The following CMC1 variants were observed in gnomAD, a reference collection of about 807,000 sequenced individuals.
CMC1 encodes C-X9-C motif containing 1.
CMC1 carries 14 observed loss-of-function variants against 14.1 expected under a neutral mutation model. The observed-to-expected ratio is 0.99, with a 90% CI of 0.66 to 1.55. The LOEUF (loss-of-function observed/expected upper bound fraction) is 1.55. CMC1 is among the 40% of genes most tolerant of loss of function. The probability of loss-of-function intolerance (pLI) is 0.00; values close to 1 mark genes in which losing one functional copy is unlikely to be tolerated. For missense variants in CMC1, 127 were observed against 123.8 expected, an observed-to-expected ratio of 1.03 and a Z score of -0.12; for synonymous variants, 50 against 38.4, an observed-to-expected ratio of 1.30 and a Z score of -1.12.
rs1214363730 is a variant in CMC1 at position 28,323,140 on chromosome 3, T to A, written c.*3511T>A. On this transcript the variant is annotated 3_prime_UTR_variant, in exon 4 of 4. Transcript: ENST00000466830. Reference sequence around the variant, plus strand: ...TAGAATATTACATTTCAACACAAAGTCTAACAATTTAGAAGCTGCTCTACA... The same window carrying A: ...TAGAATATTACATTTCAACACAAAGACTAACAATTTAGAAGCTGCTCTACA... The A allele has an allele frequency of 6.6e-6, 1 of 151,082 alleles. No homozygotes were observed. The highest frequency in any genetic ancestry group is 1.9e-4 in the East Asian group (1 of 5,144). The allele number at this position is 151,082 out of a possible 1,614,324, so 9.4% of individuals were successfully genotyped here.
At chr3:28,246,151 C>T (rs377254760) in intron 1 of CMC1, among the ~76,000 whole-genome samples, 4 of 151,274 alleles carry the variant, frequency 2.6e-5, no homozygotes, top group Non-Finnish European at 2.9e-5. Context: ...TCTAGAGTAT[C>T]TTCTTAGACA....
intron 2 of CMC1, among the ~76,000 whole-genome samples, chr3:28,310,945 C>A (rs1702609674): frequency 1.3e-5 from 2 of 152,202 alleles, no homozygotes; most frequent in Admixed American, 6.5e-5. Context: ...AATGCTGCTG[C>A]TGATCTGACA....
intron 2 of CMC1, among the ~76,000 whole-genome samples, chr3:28,273,502 G>A (rs1700406256): frequency 6.6e-6 from 1 of 152,152 alleles, no homozygotes; most frequent in South Asian, 2.1e-4. Context: ...CATTTGCTAA[G>A]GAGTGTTTTA....
intron 1 of CMC1, among the ~76,000 whole-genome samples, chr3:28,259,249 A>G (rs896755088): frequency 6.6e-6 from 1 of 152,090 alleles, no homozygotes; most frequent in Non-Finnish European, 1.5e-5. Flanking sequence ...TAACCATGAT[A>G]TGTATATTCT....
rs1384657713 is a variant in CMC1 at position 28,263,295 on chromosome 3, G to A, written c.24G>A (p.Gln8=). The change falls in exon 2 of 4, where the codon CAG becomes CAA. Residue 8 remains glutamine (Q), a synonymous_variant. Transcript: ENST00000466830. ...GAAAGATCTTTTTTTTTTCAGACCA[G>A]CATCTCAGACATGTCGAAAAAGATG... MALDPAD[Q]HLRHVEKDVL... 7 of 1,589,468 alleles carry A rather than the reference G, an allele frequency of 4.4e-6. No individual in the cohort carries two copies. Among genetic ancestry groups the A allele is most frequent in the South Asian group, 3.5e-5 (3 of 86,196 alleles).
At chr3:28,257,887 C>A (rs982063221) in intron 1 of CMC1, among the ~76,000 whole-genome samples, 1 of 151,948 alleles carries the variant, frequency 6.6e-6, no homozygotes, top group Non-Finnish European at 1.5e-5. Context: ...CAGCAGTTTT[C>A]CAGAGAAATG....
intron 2 of CMC1, among the ~76,000 whole-genome samples, chr3:28,274,212 G>GTTTTTTTTGTTTTTTTTTTTT (rs376321066): frequency 3.4e-5 from 3 of 88,192 alleles, no homozygotes; most frequent in African/African-American, 1.5e-4. Context: ...AAGTGTTTTT[G>GTTTTTTTTGTTTTTTTTTTTT]TTTTTTTCTT....
chr3:28,248,017 AT>A (rs201406004), intron 1 of CMC1, among the ~76,000 whole-genome samples: 3 of 151,184 alleles, frequency 2.0e-5, no homozygotes, highest in Admixed American at 6.6e-5. Flanking sequence ...CCAGTTAAAC[AT>A]TTTTTTTTAA....
At chr3:28,256,446 T>C (rs1304417160) in intron 1 of CMC1, among the ~76,000 whole-genome samples, 1 of 152,106 alleles carries the variant, frequency 6.6e-6, no homozygotes, top group Non-Finnish European at 1.5e-5. Flanking sequence ...TTTGATAATC[T>C]TCTTTATGTG....
chr3:28,262,411 T>A (rs1699778286), intron 1 of CMC1, among the ~76,000 whole-genome samples: 1 of 152,136 alleles, frequency 6.6e-6, no homozygotes. Context: ...AATACCTATA[T>A]ATACTTTTTT....
intron 2 of CMC1, among the ~76,000 whole-genome samples, chr3:28,297,982 T>A (rs1701831476): frequency 6.6e-6 from 1 of 151,920 alleles, no homozygotes; most frequent in African/African-American, 2.4e-5. Context: ...GCTCCAGTCA[T>A]AAGAAAACCA....
chr3:28,258,329 A>T (rs1222705192), intron 1 of CMC1, among the ~76,000 whole-genome samples: 1 of 151,626 alleles, frequency 6.6e-6, no homozygotes, highest in African/African-American at 2.4e-5. Context: ...TAATTTGTAT[A>T]ATTTATTTTT....
chr3:28,257,726 C>G (rs941861047), intron 1 of CMC1, among the ~76,000 whole-genome samples: 1 of 152,014 alleles, frequency 6.6e-6, no homozygotes, highest in Admixed American at 6.6e-5. Context: ...ACCATGTTGG[C>G]CAGGATGGTC....
intron 2 of CMC1, among the ~76,000 whole-genome samples, chr3:28,269,551 C>A (rs1318554992): frequency 6.6e-6 from 1 of 151,772 alleles, no homozygotes; most frequent in African/African-American, 2.4e-5. Context: ...ACCCATCAAC[C>A]CATTACCTAG....
chr3:28,285,212 A>G (rs1359208570), intron 2 of CMC1, among the ~76,000 whole-genome samples: 1 of 152,156 alleles, frequency 6.6e-6, no homozygotes, highest in African/African-American at 2.4e-5. Flanking sequence ...TACCAAGATG[A>G]TGGTTCTGTT....
chr3:28,291,998 GTTTTGTTTTTGT>G (rs1257122706), intron 2 of CMC1: 1 of 151,978 alleles, frequency 6.6e-6, no homozygotes, highest in African/African-American at 2.4e-5. Context: ...GTTTTGTTTT[GTTTTGTTTTTGT>G]TTTTGCTTTA....
At chr3:28,299,813 T>A (rs578133190) in intron 2 of CMC1, among the ~76,000 whole-genome samples, 67 of 152,160 alleles carry the variant, frequency 4.4e-4, no homozygotes, top group Non-Finnish European at 3.8e-4. Flanking sequence ...TTAATGTTTA[T>A]CTTCAGAAAT....
chr3:28,318,555 T>C (rs1180095890), intron 3 of CMC1: 1 of 151,974 alleles, frequency 6.6e-6, no homozygotes, highest in Non-Finnish European at 1.5e-5. Context: ...AAAGTAACAT[T>C]TGTTTCTTTG....
chr3:28,269,976 A>G lies in CMC1; in HGVS notation c.109+6596A>G, dbSNP rs149856028. ...GAGTGTTGTTCCCCTCCCCGTGTCC[A>G]TGCTTTCTCATTGTTCAGCTCCCAC... On this transcript the variant is annotated intron_variant, in intron 2 of 3. Transcript: ENST00000466830. 4.4e-3 allele frequency among the ~76,000 whole-genome samples: 663 copies of G among 152,236 alleles called. 11 individuals are homozygous for G. Among genetic ancestry groups the G allele is most frequent in the African/African-American group, 0.015 (624 of 41,530 alleles).
Sources: allele counts gnomAD v4.1 joint callset (sites outside exome capture counted in the v4.1 genomes callset), GRCh38; gene constraint gnomAD v4.1.1; transcripts MANE v1.5; gene names NCBI Gene and HGNC (gene_info 2026-07-23, HGNC 2026-07-21).